The following DIXDC1 variants were observed in gnomAD, a reference collection of about 807,000 sequenced individuals.
DIXDC1 encodes the protein dixin.
In DIXDC1, 64 loss-of-function variants were observed where a neutral mutation model predicts 103.1. That is an observed-to-expected ratio of 0.62 (90% CI 0.51 to 0.76). The LOEUF is 0.76. Among genes scored for constraint, DIXDC1 ranks in the 30% least tolerant of loss-of-function variants. The probability of loss-of-function intolerance (pLI) is 0.00; values close to 1 mark genes in which losing one functional copy is unlikely to be tolerated. For missense variants in DIXDC1, 759 were observed against 834.2 expected (o/e 0.91, Z 1.11); for synonymous variants, 266 against 298.5 (o/e 0.89, Z 1.12).
chr11:112,014,644 C>T (rs1861531414), intron 17 of DIXDC1, among the ~76,000 whole-genome samples: 1 of 152,128 alleles, frequency 6.6e-6, no homozygotes, highest in South Asian at 2.1e-4. Context: ...GTAATTGTAT[C>T]CATCATCCAT....
At chr11:111,982,616 A>C in intron 7 of DIXDC1, 129 bp downstream of exon 7, 2 of 1,011,240 alleles carry the variant, frequency 2.0e-6, no homozygotes, top group Non-Finnish European at 2.8e-6. Context: ...GATATAGGGA[A>C]TAGCACAGAA....
intron 1 of DIXDC1, among the ~76,000 whole-genome samples, chr11:111,954,775 G>A (rs1555170411): frequency 1.3e-5 from 2 of 152,138 alleles, no homozygotes; most frequent in African/African-American, 4.8e-5. Flanking sequence ...TATGGATAGT[G>A]AGAGTCAGTT....
intron 1 of DIXDC1, among the ~76,000 whole-genome samples, chr11:111,942,636 G>C (rs782446462): frequency 3.0e-4 from 45 of 152,188 alleles, no homozygotes; most frequent in Admixed American, 2.6e-3. Flanking sequence ...CTTGTAACAT[G>C]TACTTGTGAA....
intron 1 of DIXDC1, among the ~76,000 whole-genome samples, chr11:111,927,769 C>A (rs1489104582): frequency 6.6e-6 from 1 of 151,856 alleles, no homozygotes; most frequent in African/African-American, 2.4e-5. Context: ...GTAATCCCAG[C>A]ACTTTGGGAG....
At chr11:111,927,390 A>G (rs1474985573) in intron 1 of DIXDC1, 1 of 152,564 alleles carries the variant, frequency 6.6e-6, no homozygotes, top group African/African-American at 2.4e-5. Context: ...TTTAAGAGGT[A>G]GGTGCTGAAA....
At chr11:111,980,604 C>A in intron 5 of DIXDC1, 133 bp from the exon 6 acceptor site, 1 of 601,756 alleles carries the variant, frequency 1.7e-6, no homozygotes, top group South Asian at 2.4e-5. Flanking sequence ...TTTCTGTGGG[C>A]CAAGTACTGT....
intron 9 of DIXDC1, among the ~76,000 whole-genome samples, chr11:111,987,869 A>G (rs1344614083): frequency 6.6e-6 from 1 of 151,960 alleles, no homozygotes; most frequent in African/African-American, 2.4e-5. Context: ...TATGTTGGCC[A>G]GGCTTGTCTT....
intron 10 of DIXDC1, 132 bp downstream of exon 10, chr11:111,989,187 T>C: frequency 1.5e-6 from 1 of 674,488 alleles, no homozygotes; most frequent in Non-Finnish European, 2.4e-6. Flanking sequence ...AAGGGCTTTG[T>C]GGGAGGGAAG....
At chr11:111,991,426 G>T (rs1432469284) in intron 10 of DIXDC1, among the ~76,000 whole-genome samples, 1 of 152,216 alleles carries the variant, frequency 6.6e-6, no homozygotes, top group Non-Finnish European at 1.5e-5. Flanking sequence ...CTGATGCCAA[G>T]GGCATCTTAG....
intron 1 of DIXDC1, among the ~76,000 whole-genome samples, chr11:111,948,006 A>AC (rs1966654581): frequency 6.6e-6 from 1 of 152,152 alleles, no homozygotes. Flanking sequence ...TCAAAAATTT[A>AC]AAAAAAGAGA....
At chr11:111,965,284 T>C (rs1859692519) in intron 2 of DIXDC1, among the ~76,000 whole-genome samples, 1 of 152,234 alleles carries the variant, frequency 6.6e-6, no homozygotes, top group Non-Finnish European at 1.5e-5. Context: ...ATTTCTATTA[T>C]TATTTCTCTC....
chr11:111,978,031 C>G (rs1454339285), intron 5 of DIXDC1, among the ~76,000 whole-genome samples: 1 of 152,046 alleles, frequency 6.6e-6, no homozygotes, highest in Non-Finnish European at 1.5e-5. Context: ...GAGGGCACTT[C>G]ATGAGGATAT....
intron 10 of DIXDC1, among the ~76,000 whole-genome samples, chr11:111,990,795 C>G (rs1252268456): frequency 6.6e-6 from 1 of 152,164 alleles, no homozygotes; most frequent in Non-Finnish European, 1.5e-5. Flanking sequence ...CAACCTCCAC[C>G]TCCCGAGTTC....
At chr11:111,928,928 A>T (rs1392970571) in intron 1 of DIXDC1, among the ~76,000 whole-genome samples, 11 of 152,166 alleles carry the variant, frequency 7.2e-5, no homozygotes, top group Non-Finnish European at 1.5e-4. Context: ...GCGGTGGCTC[A>T]CGCCTGTAAT....
intron 1 of DIXDC1, among the ~76,000 whole-genome samples, chr11:111,956,391 A>T (rs1169146607): frequency 2.6e-5 from 4 of 152,250 alleles, no homozygotes; most frequent in Non-Finnish European, 5.9e-5. Context: ...ATTTTAAAAA[A>T]ATGACCTAGG....
intron 2 of DIXDC1, among the ~76,000 whole-genome samples, chr11:111,965,096 G>T (rs1555171390): frequency 1.3e-5 from 2 of 152,102 alleles, no homozygotes; most frequent in Admixed American, 1.3e-4. Flanking sequence ...AGAAGAATTG[G>T]TATCTAAACC....
At chr11:111,975,084 C>T (rs1444441817) in intron 5 of DIXDC1, 101 bp downstream of exon 5, 20 of 1,528,764 alleles carry the variant, frequency 1.3e-5, no homozygotes, top group Admixed American at 4.0e-5. Flanking sequence ...CCTTTTTCTC[C>T]CCTCAGTTTA....
intron 8 of DIXDC1, among the ~76,000 whole-genome samples, chr11:111,986,508 G>A (rs1000546522): frequency 4.6e-5 from 7 of 151,796 alleles, no homozygotes; most frequent in Non-Finnish European, 7.4e-5. Context: ...GGGATTACAG[G>A]TGTGCACCAC....
intron 1 of DIXDC1, chr11:111,946,675 C>T (rs1555169418): frequency 2.0e-5 from 6 of 295,750 alleles, no homozygotes; most frequent in Admixed American, 7.2e-5. Context: ...TGTTTTTTTT[C>T]CTTTGTTTAT....
Sources: gnomAD v4.1 joint callset for allele counts (sites outside exome capture counted in the v4.1 genomes callset) on GRCh38, gnomAD v4.1.1 for gene constraint, MANE v1.5 for transcripts, NCBI Gene and HGNC (gene_info 2026-07-23, HGNC 2026-07-21) for gene names.